The following CNTN5 variants were observed in gnomAD, a reference collection of about 807,000 sequenced individuals.
The protein encoded by CNTN5 is contactin 5.
A neutral mutation model predicts 129.1 loss-of-function variants in CNTN5; 77 were observed. The ratio of observed to expected loss-of-function variants is 0.60; its 90% CI spans 0.50 to 0.72. The LOEUF is 0.72. Among genes scored for constraint, CNTN5 ranks in the 30% least tolerant of loss-of-function variants. The pLI is 0.00. For missense variants in CNTN5, 1,478 were observed against 1,328.8 expected (o/e 1.11, Z -1.75); for synonymous variants, 509 against 465.6 (o/e 1.09, Z -1.20).
At chr11:99,505,808 T>G (rs1946597292) in intron 2 of CNTN5, among the ~76,000 whole-genome samples, 1 of 152,208 alleles carries the variant, frequency 6.6e-6, no homozygotes, top group East Asian at 1.9e-4. Flanking sequence ...CTAAAGGATC[T>G]TCCTCTTTTC....
intron 2 of CNTN5, among the ~76,000 whole-genome samples, chr11:99,370,145 A>G (rs1465913739): frequency 2.6e-5 from 4 of 152,218 alleles, no homozygotes; most frequent in South Asian, 2.1e-4. Flanking sequence ...GAATCAAAAG[A>G]TGTAGCAAAA....
chr11:100,127,809 C>T (rs1946244205), intron 13 of CNTN5, among the ~76,000 whole-genome samples: 1 of 151,776 alleles, frequency 6.6e-6, no homozygotes, highest in African/African-American at 2.4e-5. Flanking sequence ...TAGTTGCCTG[C>T]CACTGCATGC....
In CNTN5 at chr11:99,750,310, T is replaced by C. The variant is rs545993295; in HGVS notation, c.56-69234T>C. On this transcript the variant is annotated intron_variant, in intron 3 of 24. Coordinates refer to ENST00000524871, the MANE Select transcript of CNTN5 (RefSeq NM_014361.4). Reference sequence around the variant, plus strand: ...ATCTATCTTACCTCTAAATAAGAAATGTTTCTTTGACAGTTTGGAAAGAGA... The same window carrying C: ...ATCTATCTTACCTCTAAATAAGAAACGTTTCTTTGACAGTTTGGAAAGAGA... Among the ~76,000 whole-genome samples the C allele has an allele frequency of 3.4e-4, 52 of 152,262 alleles. No individual in the cohort carries two copies. The South Asian group carries it at 0.01, about 30-fold the overall frequency.
intron 2 of CNTN5, among the ~76,000 whole-genome samples, chr11:99,481,894 G>T (rs180794227): frequency 6.6e-6 from 1 of 152,174 alleles, no homozygotes; most frequent in Non-Finnish European, 1.5e-5. Flanking sequence ...CCTTGGAGGT[G>T]ATTGTTTAGG....
At chr11:99,989,911 G>T (rs1303895989) in intron 8 of CNTN5, among the ~76,000 whole-genome samples, 2 of 152,156 alleles carry the variant, frequency 1.3e-5, no homozygotes, top group Middle Eastern at 3.4e-3. Flanking sequence ...GACTACAGGT[G>T]CATGCCACCA....
At chr11:99,720,827 A>G (rs973353174) in intron 3 of CNTN5, among the ~76,000 whole-genome samples, 1 of 152,300 alleles carries the variant, frequency 6.6e-6, no homozygotes, top group Admixed American at 6.5e-5. Context: ...TGCTGAAGTT[A>G]TTAACATTCC....
intron 16 of CNTN5, among the ~76,000 whole-genome samples, chr11:100,226,169 C>A (rs1450671092): frequency 1.3e-5 from 2 of 152,180 alleles, no homozygotes; most frequent in African/African-American, 4.8e-5. Context: ...CTAAAAATTT[C>A]TCTTTGTGCC....
At chr11:100,237,968 A>T (rs1199911084) in intron 16 of CNTN5, among the ~76,000 whole-genome samples, 1 of 152,180 alleles carries the variant, frequency 6.6e-6, no homozygotes, top group Non-Finnish European at 1.5e-5. Context: ...GCTTTAGAAA[A>T]AACAGTTCAT....
chr11:99,912,621 A>G (rs1298150712), intron 6 of CNTN5, among the ~76,000 whole-genome samples: 1 of 149,364 alleles, frequency 6.7e-6, no homozygotes. Flanking sequence ...TCTTAATAAC[A>G]TCTATTATTG....
At chr11:99,147,040 A>T (rs1249591380) in intron 1 of CNTN5, among the ~76,000 whole-genome samples, 1 of 151,648 alleles carries the variant, frequency 6.6e-6, no homozygotes, top group African/African-American at 2.4e-5. Flanking sequence ...GGACAAAATA[A>T]AAAGAAGCAT....
intron 3 of CNTN5, among the ~76,000 whole-genome samples, chr11:99,557,584 C>A (rs1948714045): frequency 1.3e-5 from 2 of 151,394 alleles, no homozygotes; most frequent in Non-Finnish European, 3.0e-5. Flanking sequence ...AATATAAACT[C>A]TTTTTAGAAT....
intron 6 of CNTN5, among the ~76,000 whole-genome samples, chr11:99,858,059 C>A (rs1240960753): frequency 1.3e-5 from 2 of 151,994 alleles, no homozygotes; most frequent in South Asian, 4.1e-4. Flanking sequence ...AAAAAAGTTA[C>A]CTCTTTCAGT....
chr11:99,137,212 G>T (rs1859272294), intron 1 of CNTN5, among the ~76,000 whole-genome samples: 1 of 152,124 alleles, frequency 6.6e-6, no homozygotes, highest in Non-Finnish European at 1.5e-5. Context: ...CAGAATATTT[G>T]CAGATACACT....
At chr11:99,142,471 T>A (rs114345663) in intron 1 of CNTN5, among the ~76,000 whole-genome samples, 1 of 151,960 alleles carries the variant, frequency 6.6e-6, no homozygotes, top group Non-Finnish European at 1.5e-5. Flanking sequence ...GGTCTGCTGG[T>A]GTAGGAGCTA....
At chr11:99,651,976 A>G (rs957745828) in intron 3 of CNTN5, among the ~76,000 whole-genome samples, 3 of 152,106 alleles carry the variant, frequency 2.0e-5, no homozygotes, top group Non-Finnish European at 4.4e-5. Flanking sequence ...ACACGTTGCC[A>G]CAAACTTGGC....
chr11:99,670,109 C>T (rs1008385000), intron 3 of CNTN5, among the ~76,000 whole-genome samples: 4 of 152,044 alleles, frequency 2.6e-5, no homozygotes, highest in Non-Finnish European at 5.9e-5. Flanking sequence ...TTTAAAAAAT[C>T]TTCTAAGGGA....
chr11:99,152,787 C>T (rs1860130179), intron 1 of CNTN5, among the ~76,000 whole-genome samples: 1 of 152,116 alleles, frequency 6.6e-6, no homozygotes, highest in Non-Finnish European at 1.5e-5. Context: ...TGGTAATGGT[C>T]TTTTTTTCCA....
intron 1 of CNTN5, among the ~76,000 whole-genome samples, chr11:99,323,620 A>G (rs1865662266): frequency 6.6e-6 from 1 of 152,130 alleles, no homozygotes; most frequent in Non-Finnish European, 1.5e-5. Flanking sequence ...ATTGCTAAGA[A>G]GTAATGGCAG....
intron 6 of CNTN5, among the ~76,000 whole-genome samples, chr11:99,854,280 G>A (rs1947964726): frequency 6.6e-6 from 1 of 152,088 alleles, no homozygotes. Context: ...ACACAATTCT[G>A]ACTAGGTTAC....
Sources: gnomAD v4.1 joint callset for allele counts (sites outside exome capture counted in the v4.1 genomes callset) on GRCh38, gnomAD v4.1.1 for gene constraint, MANE v1.5 for transcripts, NCBI Gene and HGNC (gene_info 2026-07-23, HGNC 2026-07-21) for gene names.